PCDHGB3: variants seen among roughly 807,000 people sequenced by gnomAD.
PCDHGB3 encodes protocadherin gamma-B3.
A neutral mutation model predicts 59.2 loss-of-function variants in PCDHGB3; 40 were observed. That is an observed-to-expected ratio of 0.68 (90% CI 0.52 to 0.88). The LOEUF is 0.88. PCDHGB3 is among the 40% of genes least tolerant of loss of function. PCDHGB3 has a pLI of 0.00. For missense variants in PCDHGB3, 1,309 were observed against 1,187.9 expected, an observed-to-expected ratio of 1.10 and a Z score of -1.50; for synonymous variants, 581 against 503.6, an observed-to-expected ratio of 1.15 and a Z score of -2.06.
intron 1 of PCDHGB3, among the ~76,000 whole-genome samples, chr5:141,445,544 T>C (rs1223868698): frequency 6.6e-6 from 1 of 152,126 alleles, no homozygotes; most frequent in Non-Finnish European, 1.5e-5. Context: ...CAAGGAGAAA[T>C]ACAAAAGCAC....
intron 1 of PCDHGB3, among the ~76,000 whole-genome samples, chr5:141,462,650 TC>T (rs1254671361): frequency 7.3e-6 from 1 of 137,262 alleles, no homozygotes; most frequent in African/African-American, 3.0e-5. Context: ...ATTTCCATCC[TC>T]AATTATCTTC....
chr5:141,460,270 C>G (rs1223096441), intron 1 of PCDHGB3, among the ~76,000 whole-genome samples: 1 of 151,828 alleles, frequency 6.6e-6, no homozygotes, highest in Non-Finnish European at 1.5e-5. Context: ...TTTATTTTTT[C>G]TTTTATAGTT....
intron 1 of PCDHGB3, among the ~76,000 whole-genome samples, chr5:141,470,385 T>C (rs1278833959): frequency 1.3e-5 from 2 of 152,206 alleles, no homozygotes; most frequent in Non-Finnish European, 2.9e-5. Flanking sequence ...GACTACTCGA[T>C]GATATTTAGG....
intron 1 of PCDHGB3, chr5:141,376,605 G>A (rs1772889995): frequency 1.2e-5 from 18 of 1,502,688 alleles, no homozygotes; most frequent in Middle Eastern, 3.5e-4. Flanking sequence ...TTATAGAAGC[G>A]AACCTCTTTT....
intron 1 of PCDHGB3, chr5:141,383,317 G>A (rs376453261): frequency 1.9e-6 from 3 of 1,614,000 alleles, no homozygotes; most frequent in African/African-American, 2.7e-5. Context: ...AGAAATAAAT[G>A]TAAAAATAAT....
At chr5:141,397,183 T>C (rs1319444729) in intron 1 of PCDHGB3, among the ~76,000 whole-genome samples, 2 of 152,190 alleles carry the variant, frequency 1.3e-5, no homozygotes, top group East Asian at 3.8e-4. Flanking sequence ...AATGAATTTA[T>C]GTACTGTAAA....
At chr5:141,374,607 A>C in intron 1 of PCDHGB3, 1 of 1,613,660 alleles carries the variant, frequency 6.2e-7, no homozygotes, top group Non-Finnish European at 8.5e-7. Context: ...CTCAGTGGTA[A>C]TAGTCACTTC....
In PCDHGB3 at chr5:141,490,376, C is replaced by T. The variant is rs761956816; in HGVS notation, c.2416-4431C>T. 2 of 1,614,184 alleles carry T rather than the reference C, an allele frequency of 1.2e-6. No individual in the cohort carries two copies. The highest frequency in any genetic ancestry group is 1.7e-6 in the Non-Finnish European group (2 of 1,180,036). ...TTGTTTAATGTGCGAGACCGGGACT[C>T]AGGTAGAAATGGTGAAGTGAGCCTT... is the stretch of plus-strand genomic sequence containing the variant. On this transcript the variant is annotated intron_variant, in intron 1 of 3. Transcript: ENST00000576222. The surrounding 1 kb of genome is among the most constrained non-coding windows in gnomAD (Gnocchi z 5.4).
Position 141,476,845 on chromosome 5 carries a change from C to T in PCDHGB3, c.2416-17962C>T. On this transcript the variant is annotated intron_variant, in intron 1 of 3. Transcript: ENST00000576222. The surrounding 1 kb of genome is among the most constrained non-coding windows in gnomAD (Gnocchi z 7.6). ...TGGACGCGAATGACAATGCGCCTGT[C>T]TTCAACCAGTCCTTGTACCGGGCGC... 1 of 1,613,794 alleles carries T rather than the reference C, an allele frequency of 6.2e-7. No homozygotes were observed. Among genetic ancestry groups the T allele is most frequent in the Non-Finnish European group, 8.5e-7 (1 of 1,180,054 alleles).
Position 141,511,376 on chromosome 5 carries a change from G to C in PCDHGB3, c.*203G>C. ...CCAGGGGGTTGAATATGCAAAAGCA[G>C]TTCCGCTGGGAACCCCCATCCAATC... On this transcript the variant is annotated 3_prime_UTR_variant, in exon 4 of 4. Coordinates refer to ENST00000576222, the MANE Select transcript of PCDHGB3 (RefSeq NM_018924.5). 1 of 1,211,520 alleles carries C rather than the reference G, an allele frequency of 8.3e-7. No homozygotes were observed. The allele number at this position is 1,211,520 out of a possible 1,614,324, so 75.0% of individuals were successfully genotyped here.
Position 141,507,906 on chromosome 5 carries a change from G to A in PCDHGB3, c.2563+2425G>A, listed in dbSNP as rs2099864753. ...AGAGAGGTTCCTGAAGTCCAGCCCA[G>A]CCAGGCCTGTGGGGCTGCTGAGAGG... On this transcript the variant is annotated intron_variant, in intron 3 of 3. Coordinates refer to ENST00000576222, the MANE Select transcript of PCDHGB3 (RefSeq NM_018924.5). Among the ~76,000 whole-genome samples, 4 of 152,216 alleles carry A rather than the reference G, an allele frequency of 2.6e-5. No homozygotes were observed. The South Asian group carries it at 8.3e-4, about 32-fold the overall frequency.
chr5:141,382,260 G>T (rs1033176333), intron 1 of PCDHGB3, among the ~76,000 whole-genome samples: 8 of 152,108 alleles, frequency 5.3e-5, no homozygotes, highest in African/African-American at 1.4e-4. Context: ...GCATCATGGT[G>T]TCTAGAACAT....
intron 1 of PCDHGB3, chr5:141,407,920 C>T: frequency 2.1e-6 from 1 of 475,788 alleles, no homozygotes; most frequent in Non-Finnish European, 3.6e-6. Context: ...GCTGCTGTCC[C>T]GCACGGAGCC....
intron 1 of PCDHGB3, among the ~76,000 whole-genome samples, chr5:141,380,345 TG>T (rs1448564641): frequency 6.6e-6 from 1 of 152,202 alleles, no homozygotes; most frequent in African/African-American, 2.4e-5. Context: ...AGAACTGTTT[TG>T]TTGTTTGTTT....
At position 141,485,413 on chromosome 5, in the gene PCDHGB3, C is replaced by T; in HGVS notation, c.2416-9394C>T. ...AAAGACACTTCCGTGTGGATTTGGA[C>T]AGCGGAGCCCTGCTCATCAAGAACC... On this transcript the variant is annotated intron_variant, in intron 1 of 3. Transcript: ENST00000576222. The surrounding 1 kb of genome is among the most constrained non-coding windows in gnomAD (Gnocchi z 5.7). The T allele has an allele frequency of 6.2e-7, 1 of 1,614,158 alleles. No individual in the cohort carries two copies. The highest frequency in any genetic ancestry group is 8.5e-7 in the Non-Finnish European group (1 of 1,180,030).
intron 1 of PCDHGB3, chr5:141,389,294 A>T (rs776760884): frequency 1.2e-6 from 2 of 1,613,964 alleles, no homozygotes; most frequent in Non-Finnish European, 1.7e-6. Flanking sequence ...CCTCTATTTC[A>T]CAAGTCAGGG....
intron 1 of PCDHGB3, chr5:141,393,751 C>A (rs1159377259): frequency 6.2e-7 from 1 of 1,613,846 alleles, no homozygotes; most frequent in Non-Finnish European, 8.5e-7. Flanking sequence ...GAAGAATGTT[C>A]ATTTTATGAA....
rs773474154 is a variant in PCDHGB3, at chr5:141,477,751, G to A, written c.2416-17056G>A. The A allele has an allele frequency of 5.0e-6, 8 of 1,613,712 alleles. No individual in the cohort carries two copies. The highest frequency in any genetic ancestry group is 6.8e-6 in the Non-Finnish European group (8 of 1,180,030). ...CTCATATCAGCGATGGGGGCACCCC[G>A]GTCCTAGCCACCAACATCAGCGTGA... On this transcript the variant is annotated intron_variant, in intron 1 of 3. Transcript: ENST00000576222. The surrounding 1 kb of genome is among the most constrained non-coding windows in gnomAD (Gnocchi z 4.9).
intron 1 of PCDHGB3, chr5:141,394,424 C>G (rs781695042): frequency 6.2e-7 from 1 of 1,614,222 alleles, no homozygotes; most frequent in East Asian, 2.2e-5. Flanking sequence ...CCAGCGACAG[C>G]GGGGACCCGC....
Sources: gnomAD v4.1 joint callset for allele counts (sites outside exome capture counted in the v4.1 genomes callset) on GRCh38, gnomAD v4.1.1 for gene constraint, Gnocchi (gnomAD v3.1) non-coding constraint, MANE v1.5 for transcripts, NCBI Gene and HGNC (gene_info 2026-07-23, HGNC 2026-07-21) for gene names.